The following GNG7 variants were observed in gnomAD, a reference collection of about 807,000 sequenced individuals.
GNG7 encodes G protein subunit gamma 7.
Under a neutral mutation model 4.0 loss-of-function variants are expected in GNG7, and 1 was observed. That is an observed-to-expected ratio of 0.25 (90% CI 0.09 to 1.18). The LOEUF is 1.18. GNG7 is among the 50% of genes most tolerant of loss of function. The pLI, the probability that GNG7 is intolerant of heterozygous loss-of-function variation, is 0.50. For synonymous variants in GNG7, 34 were observed against 36.9 expected (o/e 0.92, Z 0.29); for missense variants, 86 against 91.9 (o/e 0.94, Z 0.26).
At chr19:2,643,613 A>G (rs1982580052) in intron 2 of GNG7, 1 of 448,940 alleles carries the variant, frequency 2.2e-6, no homozygotes, top group Non-Finnish European at 4.5e-6. Flanking sequence ...GGCACCGGAA[A>G]TGCAAAGTCC....
chr19:2,586,622 A>C (rs1176100590), intron 2 of GNG7, among the ~76,000 whole-genome samples: 1 of 152,148 alleles, frequency 6.6e-6, no homozygotes, highest in East Asian at 1.9e-4. Flanking sequence ...AAGAAGGTAG[A>C]ATTTACACAC....
intron 2 of GNG7, among the ~76,000 whole-genome samples, chr19:2,592,898 AAGGAAGGAAAGAAG>A (rs1221140654): frequency 2.9e-5 from 4 of 137,488 alleles, no homozygotes; most frequent in African/African-American, 1.2e-4. Context: ...AAAACGAAGG[AAGGAAGGAAAGAAG>A]GAAGGAAGGA....
intron 3 of GNG7, among the ~76,000 whole-genome samples, chr19:2,550,800 G>T (rs1979292781): frequency 6.6e-6 from 1 of 152,154 alleles, no homozygotes; most frequent in Non-Finnish European, 1.5e-5. Flanking sequence ...AGGGATCCTA[G>T]GAGAACTAAA....
chr19:2,603,223 T>C (rs768610514), intron 2 of GNG7, among the ~76,000 whole-genome samples: 31 of 152,028 alleles, frequency 2.0e-4, no homozygotes, highest in Admixed American at 7.2e-4. Flanking sequence ...CGCACCACCA[T>C]GCCTGGCTAA....
At chr19:2,656,933 A>T (rs1982990718) in intron 1 of GNG7, among the ~76,000 whole-genome samples, 1 of 152,140 alleles carries the variant, frequency 6.6e-6, no homozygotes. Flanking sequence ...TGTAAAACCA[A>T]ATGTTTACAG....
chr19:2,593,071 GA>G (rs546225347), intron 2 of GNG7, among the ~76,000 whole-genome samples: 52 of 110,284 alleles, frequency 4.7e-4, no homozygotes, highest in Non-Finnish European at 9.0e-4. Flanking sequence ...AGGGAGGGAG[GA>G]AAAAAAAAGA....
At position 2,653,757 on chromosome 19, in the gene GNG7, T is replaced by C. The variant is rs990645246; in HGVS notation, c.-134-7477A>G. ...CTCTGGCCTCCCCTGTCCTCATCCT[T>C]ATGGGATCTTCAGATGGTGCCCTTG... is the stretch of plus-strand genomic sequence containing the variant. On this transcript the variant is annotated intron_variant, in intron 1 of 4. Transcript: ENST00000382159. This position sits in a 1 kb window ranked among gnomAD's most constrained non-coding sequence, Gnocchi z 4.8. Among the ~76,000 whole-genome samples, 1 of 152,136 alleles carries C rather than the reference T, an allele frequency of 6.6e-6. No homozygotes were observed. The highest frequency in any genetic ancestry group is 2.4e-5 in the African/African-American group (1 of 41,446).
intron 3 of GNG7, among the ~76,000 whole-genome samples, chr19:2,547,091 C>T (rs1453010714): frequency 6.9e-6 from 1 of 144,266 alleles, no homozygotes; most frequent in Non-Finnish European, 1.5e-5. Context: ...CCCCAGAAAA[C>T]TCCTACACAT....
intron 2 of GNG7, among the ~76,000 whole-genome samples, chr19:2,604,470 CAA>C (rs112959127): frequency 9.4e-4 from 35 of 37,340 alleles, no homozygotes; most frequent in African/African-American, 1.8e-3. Flanking sequence ...GACCCTGCTT[CAA>C]AAAAAAAAAA....
chr19:2,647,284 G>T (rs959330910), intron 1 of GNG7, among the ~76,000 whole-genome samples: 32 of 152,318 alleles, frequency 2.1e-4, no homozygotes, highest in African/African-American at 7.7e-4. Context: ...TGGGAGCCTC[G>T]CTGGTGACAG....
intron 2 of GNG7, among the ~76,000 whole-genome samples, chr19:2,559,382 C>T (rs574039142): frequency 1.4e-5 from 2 of 146,390 alleles, no homozygotes; most frequent in African/African-American, 2.5e-5. Context: ...GACAGGGTCT[C>T]GCTCTGTTGC....
intron 3 of GNG7, among the ~76,000 whole-genome samples, chr19:2,522,771 A>AG (rs1288779404): frequency 1.3e-5 from 2 of 150,658 alleles, no homozygotes; most frequent in Admixed American, 6.6e-5. Flanking sequence ...AAAAAAAAAA[A>AG]AAAAAAAAGA....
chr19:2,553,895 A>G (rs1979457028), intron 3 of GNG7, among the ~76,000 whole-genome samples: 1 of 147,990 alleles, frequency 6.8e-6, no homozygotes, highest in Admixed American at 6.8e-5. Context: ...TATTCTATGT[A>G]ATATTACATA....
chr19:2,662,581 T>C (rs925800171), intron 1 of GNG7, among the ~76,000 whole-genome samples: 1 of 152,150 alleles, frequency 6.6e-6, no homozygotes, highest in Non-Finnish European at 1.5e-5. Context: ...ATATAAAGCA[T>C]ATTACAAAGA....
chr19:2,638,695 C>G (rs116408834), intron 2 of GNG7, among the ~76,000 whole-genome samples: 4 of 147,380 alleles, frequency 2.7e-5, no homozygotes, highest in East Asian at 4.2e-4. Context: ...GAGCACCCCC[C>G]AGTCGTGACA....
At chr19:2,657,347 A>T (rs1599445844) in intron 1 of GNG7, among the ~76,000 whole-genome samples, 2 of 18,714 alleles carry the variant, frequency 1.1e-4, no homozygotes, top group Non-Finnish European at 1.3e-4. Flanking sequence ...TAAAAAAAAA[A>T]AAAAAAAAAA....
chr19:2,528,314 T>G (rs1014121061), intron 3 of GNG7, among the ~76,000 whole-genome samples: 14 of 144,354 alleles, frequency 9.7e-5, no homozygotes, highest in Non-Finnish European at 6.0e-5. Context: ...GGCTCACGCC[T>G]GTAATCCCAG....
At chr19:2,694,866 C>T (rs75724939) in intron 1 of GNG7, among the ~76,000 whole-genome samples, 2 of 151,834 alleles carry the variant, frequency 1.3e-5, no homozygotes, top group African/African-American at 2.4e-5. Context: ...AGGCCAGGGA[C>T]GCTGCTCGGC....
chr19:2,650,913 G>T (rs371265704), intron 1 of GNG7, among the ~76,000 whole-genome samples: 1 of 152,212 alleles, frequency 6.6e-6, no homozygotes, highest in South Asian at 2.1e-4. Flanking sequence ...AACACGAACC[G>T]CTGGGACCTC....
Sources: gnomAD v4.1 joint callset for allele counts (sites outside exome capture counted in the v4.1 genomes callset) on GRCh38, gnomAD v4.1.1 for gene constraint, Gnocchi (gnomAD v3.1) non-coding constraint, MANE v1.5 for transcripts, NCBI Gene and HGNC (gene_info 2026-07-23, HGNC 2026-07-21) for gene names.